The following WWC2 variants were observed in gnomAD, a reference collection of about 807,000 sequenced individuals.
The protein encoded by WWC2 is protein WWC2.
In WWC2, 101 loss-of-function variants were observed where a neutral mutation model predicts 138.5. The observed-to-expected ratio is 0.73, with a 90% confidence interval of 0.62 to 0.86. The LOEUF is 0.86. Ranked by LOEUF, WWC2 falls within the 40% of genes least tolerant of loss-of-function variation. The pLI, the probability that WWC2 is intolerant of heterozygous loss-of-function variation, is 0.00. For missense variants in WWC2, 1,420 were observed against 1,419.4 expected, an observed-to-expected ratio of 1.00 and a Z score of -0.01; for synonymous variants, 558 against 538.4, an observed-to-expected ratio of 1.04 and a Z score of -0.50.
At chr4:183,155,067 G>T (rs6552642) in intron 1 of WWC2, among the ~76,000 whole-genome samples, 144,826 of 152,184 alleles carry the variant, frequency 0.95, 69,333 homozygotes, top group Non-Finnish European at 1. Flanking sequence ...GAGGGACATT[G>T]TGGGCACAAG....
chr4:183,102,657 G>GT (rs1467960708), intron 1 of WWC2, among the ~76,000 whole-genome samples: 1 of 152,158 alleles, frequency 6.6e-6, no homozygotes, highest in Non-Finnish European at 1.5e-5. Context: ...TTTGCCCAGT[G>GT]TTTATTTTTC....
chr4:183,105,902 A>G (rs1046674324), intron 1 of WWC2, among the ~76,000 whole-genome samples: 2 of 152,074 alleles, frequency 1.3e-5, no homozygotes, highest in African/African-American at 4.8e-5. Context: ...AAAAAAAAAA[A>G]AAAGAATTTT....
intron 22 of WWC2, 25 bp downstream of exon 22, chr4:183,312,493 T>G: frequency 6.2e-7 from 1 of 1,611,928 alleles, no homozygotes; most frequent in South Asian, 1.1e-5. Context: ...CCAGGACAGC[T>G]TTTGGGTTGC....
chr4:183,159,018 T>C (rs1459120092), intron 1 of WWC2, among the ~76,000 whole-genome samples: 2 of 152,186 alleles, frequency 1.3e-5, no homozygotes, highest in African/African-American at 2.4e-5. Context: ...TTGTATATTA[T>C]TCCTGCCAGC....
At chr4:183,134,086 A>G (rs1200321689) in intron 1 of WWC2, among the ~76,000 whole-genome samples, 1 of 152,178 alleles carries the variant, frequency 6.6e-6, no homozygotes, top group Non-Finnish European at 1.5e-5. Flanking sequence ...TTGTTAGCAT[A>G]AAGTAACTCA....
intron 22 of WWC2, among the ~76,000 whole-genome samples, chr4:183,313,492 G>A (rs1739332725): frequency 2.6e-5 from 4 of 152,162 alleles, no homozygotes; most frequent in African/African-American, 7.2e-5. Flanking sequence ...GGGGTGTGGG[G>A]AGGATGCTGA....
intron 2 of WWC2, among the ~76,000 whole-genome samples, chr4:183,205,672 CT>C (rs1365478031): frequency 6.6e-6 from 1 of 152,100 alleles, no homozygotes; most frequent in South Asian, 2.1e-4. Context: ...CTTTTAGAAG[CT>C]TGTTTCAAAG....
rs529124608 is a variant in WWC2 at position 183,273,906 on chromosome 4, C to G, written c.2562+2665C>G. Among the ~76,000 whole-genome samples, 8 of 152,234 alleles carry G rather than the reference C, an allele frequency of 5.3e-5. No individual in the cohort carries two copies. The East Asian group carries it at 1.2e-3, about 22-fold the overall frequency. Reference sequence around the variant, plus strand: ...AAGTCTTATATTTAGGTCTCTGATTCATTTGAGTTGTTAACGTGGATCCAG... The same window carrying G: ...AAGTCTTATATTTAGGTCTCTGATTGATTTGAGTTGTTAACGTGGATCCAG... On this transcript the variant is annotated intron_variant, in intron 16 of 22. Transcript: ENST00000403733.
chr4:183,114,226 T>C (rs1732341232), intron 1 of WWC2, among the ~76,000 whole-genome samples: 1 of 152,142 alleles, frequency 6.6e-6, no homozygotes, highest in African/African-American at 2.4e-5. Context: ...CCATATGATG[T>C]GCCTGCTCCT....
chr4:183,309,170 G>A (rs1233340629), intron 21 of WWC2, among the ~76,000 whole-genome samples: 2 of 152,044 alleles, frequency 1.3e-5, no homozygotes, highest in Non-Finnish European at 2.9e-5. Flanking sequence ...ATGACCTTGG[G>A]TATGGCAGTG....
In WWC2 at chr4:183,207,933, C is replaced by A; in HGVS notation, c.242-20C>A. 1 of 1,582,192 alleles carries A rather than the reference C, an allele frequency of 6.3e-7. No homozygotes were observed. ...AACAAAGTTAAATTCTAAAAAGTACCCTCCACCTAATGTTTTCAGAAACCA... is the reference window on the plus strand; with the variant it reads ...AACAAAGTTAAATTCTAAAAAGTACACTCCACCTAATGTTTTCAGAAACCA... On this transcript the variant is annotated intron_variant, in intron 2 of 22. Transcript: ENST00000403733.
chr4:183,252,470 A>G (rs1390048356), intron 8 of WWC2, among the ~76,000 whole-genome samples: 1 of 152,206 alleles, frequency 6.6e-6, no homozygotes, highest in Non-Finnish European at 1.5e-5. Context: ...AGTCGGGGGT[A>G]ATGTTAACTC....
At position 183,188,984 on chromosome 4, in the gene WWC2, C is replaced by T. The variant is rs541241070; in HGVS notation, c.132-4615C>T. 4.6e-5 allele frequency among the ~76,000 whole-genome samples: 7 copies of T among 152,156 alleles called. No homozygotes were observed. In the South Asian group the frequency reaches 8.3e-4, roughly 18 times the overall value. On this transcript the variant is annotated intron_variant, in intron 1 of 22. Coordinates refer to ENST00000403733, the MANE Select transcript of WWC2 (RefSeq NM_024949.6). ...TCCTTCCAATCATTTAAGCTAATTT[C>T]CTCACACACAGGGAAGGAATCTCAT...
At position 183,177,836 on chromosome 4, in the gene WWC2, G is replaced by A. The variant is rs142309986; in HGVS notation, c.132-15763G>A. On this transcript the variant is annotated intron_variant, in intron 1 of 22. Transcript: ENST00000403733. ...CTTCTTAAAGCTTTTTTGGGAAGCA[G>A]TTAGACTTGGTTTAATTGTCTAGTA... Among the ~76,000 whole-genome samples the A allele has an allele frequency of 5.1e-4, 78 of 152,148 alleles. 1 individual carries two copies. The East Asian group carries it at 0.015, about 28-fold the overall frequency.
chr4:183,282,027 G>A (rs915821874), intron 17 of WWC2, among the ~76,000 whole-genome samples: 4 of 152,148 alleles, frequency 2.6e-5, no homozygotes, highest in African/African-American at 9.7e-5. Flanking sequence ...TCAAATTAAA[G>A]CTGAACATTT....
chr4:183,150,381 CTCAAAA>C (rs2111114939), intron 1 of WWC2, among the ~76,000 whole-genome samples: 2 of 152,218 alleles, frequency 1.3e-5, no homozygotes, highest in South Asian at 4.2e-4. Flanking sequence ...AGATTTTAAT[CTCAAAA>C]TCAAAGTCTG....
chr4:183,139,845 T>G (rs1004386077), intron 1 of WWC2, among the ~76,000 whole-genome samples: 1 of 152,186 alleles, frequency 6.6e-6, no homozygotes, highest in Non-Finnish European at 1.5e-5. Context: ...CAGAGTCTCA[T>G]TCTGTTTCCG....
intron 1 of WWC2, among the ~76,000 whole-genome samples, chr4:183,166,608 G>A (rs1734136910): frequency 6.6e-6 from 1 of 152,094 alleles, no homozygotes; most frequent in Non-Finnish European, 1.5e-5. Flanking sequence ...TTCAGTTGGT[G>A]AACAATCTCA....
intron 1 of WWC2, among the ~76,000 whole-genome samples, chr4:183,099,887 T>C (rs1400296400): frequency 6.6e-6 from 1 of 152,174 alleles, no homozygotes; most frequent in African/African-American, 2.4e-5. Flanking sequence ...CGCGCCAGGC[T>C]AACGGACCCG....
Sources: allele counts gnomAD v4.1 joint callset (sites outside exome capture counted in the v4.1 genomes callset), GRCh38; gene constraint gnomAD v4.1.1; transcripts MANE v1.5; gene names NCBI Gene and HGNC (gene_info 2026-07-23, HGNC 2026-07-21).